ZBTB7C: variants seen among roughly 807,000 people sequenced by gnomAD.
The protein encoded by ZBTB7C is zinc finger and BTB domain-containing protein 7C.
ZBTB7C carries 8 observed loss-of-function variants against 25.7 expected under a neutral mutation model. That is an observed-to-expected ratio of 0.31 (90% confidence interval 0.18 to 0.56). ZBTB7C has a LOEUF of 0.56. Among genes scored for constraint, ZBTB7C ranks in the 20% least tolerant of loss-of-function variants. The pLI is 0.91. For synonymous variants in ZBTB7C, 394 were observed against 369.0 expected (o/e 1.07, Z -0.78); for missense variants, 824 against 855.2 (o/e 0.96, Z 0.46).
intron 3 of ZBTB7C, among the ~76,000 whole-genome samples, chr18:48,122,329 T>C (rs1366350240): frequency 6.6e-6 from 1 of 152,234 alleles, no homozygotes; most frequent in Non-Finnish European, 1.5e-5. Flanking sequence ...ACCATTTTCC[T>C]ACCTTTGGCT....
At chr18:48,209,421 G>A (rs185170485) in intron 2 of ZBTB7C, among the ~76,000 whole-genome samples, 3 of 152,176 alleles carry the variant, frequency 2.0e-5, no homozygotes, top group African/African-American at 7.2e-5. Context: ...GTGCTAGGAA[G>A]ACACAAAGTT....
At chr18:48,313,252 TG>T (rs1439640065) in intron 2 of ZBTB7C, among the ~76,000 whole-genome samples, 2 of 152,140 alleles carry the variant, frequency 1.3e-5, no homozygotes, top group African/African-American at 4.8e-5. Context: ...TCATAGGAAA[TG>T]GAAACCCTAG....
At chr18:48,392,967 T>G (rs540536010) in intron 1 of ZBTB7C, among the ~76,000 whole-genome samples, 1 of 152,132 alleles carries the variant, frequency 6.6e-6, no homozygotes, top group Non-Finnish European at 1.5e-5. Context: ...CCAGGGACAG[T>G]ATTTGGTTGT....
At chr18:48,358,411 C>A (rs1007114250) in intron 1 of ZBTB7C, among the ~76,000 whole-genome samples, 1 of 152,170 alleles carries the variant, frequency 6.6e-6, no homozygotes, top group Non-Finnish European at 1.5e-5. Context: ...CCCACTCTCA[C>A]CCTGTGACAC....
chr18:48,046,110 C>G (rs2036459340), intron 3 of ZBTB7C, among the ~76,000 whole-genome samples: 1 of 152,238 alleles, frequency 6.6e-6, no homozygotes. Context: ...TCCTAAATTC[C>G]TGATCCACAG....
intron 3 of ZBTB7C, among the ~76,000 whole-genome samples, chr18:48,140,879 C>T (rs1351686854): frequency 2.0e-5 from 3 of 152,154 alleles, no homozygotes; most frequent in Non-Finnish European, 4.4e-5. Flanking sequence ...GCCACCTCTG[C>T]CACTGCTGCC....
At chr18:48,233,475 A>T (rs1427609457) in intron 2 of ZBTB7C, among the ~76,000 whole-genome samples, 1 of 152,266 alleles carries the variant, frequency 6.6e-6, no homozygotes, top group Non-Finnish European at 1.5e-5. Flanking sequence ...TACAAAGAGC[A>T]TACATAACAG....
At chr18:48,320,532 G>A (rs1417093371) in intron 2 of ZBTB7C, among the ~76,000 whole-genome samples, 1 of 152,206 alleles carries the variant, frequency 6.6e-6, no homozygotes, top group Non-Finnish European at 1.5e-5. Flanking sequence ...GCCAGCACCT[G>A]AGAGATGACA....
chr18:48,159,361 G>A (rs548456798), intron 3 of ZBTB7C, among the ~76,000 whole-genome samples: 5 of 152,202 alleles, frequency 3.3e-5, no homozygotes, highest in African/African-American at 1.2e-4. Flanking sequence ...GATCTTACGA[G>A]GATTCAATAA....
At chr18:48,345,903 A>C (rs896501836) in intron 1 of ZBTB7C, among the ~76,000 whole-genome samples, 8 of 152,212 alleles carry the variant, frequency 5.3e-5, no homozygotes, top group African/African-American at 1.9e-4. Flanking sequence ...AAAAATGTTA[A>C]AATGGGTTTA....
chr18:48,258,574 T>C (rs1483051969), intron 2 of ZBTB7C, among the ~76,000 whole-genome samples: 2 of 152,194 alleles, frequency 1.3e-5, no homozygotes, highest in Non-Finnish European at 2.9e-5. Flanking sequence ...AAATACACCA[T>C]GTTCATAGGT....
At chr18:48,063,919 TAA>T (rs2037221573) in intron 3 of ZBTB7C, among the ~76,000 whole-genome samples, 1 of 151,774 alleles carries the variant, frequency 6.6e-6, no homozygotes, top group African/African-American at 2.4e-5. Flanking sequence ...AATTGATAAT[TAA>T]ATACTTATTA....
At chr18:48,082,412 C>G (rs1166510722) in intron 3 of ZBTB7C, among the ~76,000 whole-genome samples, 1 of 152,136 alleles carries the variant, frequency 6.6e-6, no homozygotes, top group Non-Finnish European at 1.5e-5. Flanking sequence ...TGTTCCTTAT[C>G]TGCAGGAACC....
chr18:48,056,867 T>A (rs9951809), intron 3 of ZBTB7C, among the ~76,000 whole-genome samples: 86,084 of 151,746 alleles, frequency 0.57, 25,713 homozygotes, highest in African/African-American at 0.75. Context: ...AAAAGATTTG[T>A]TAAATTTGAC....
rs1302249997 is a variant in ZBTB7C at position 48,069,693 on chromosome 18, T to C, written c.-16-28570A>G. Among the ~76,000 whole-genome samples, 8 of 152,158 alleles carry C rather than the reference T, an allele frequency of 5.3e-5. No homozygotes were observed. In the South Asian group the frequency reaches 1.7e-3, roughly 32 times the overall value. ...TATATCTACATAATCTTAGACCCTG[T>C]TCCTTCCAATTCCAGGGATATGCTC... On this transcript the variant is annotated intron_variant, in intron 3 of 4. Coordinates refer to ENST00000590800, the MANE Select transcript of ZBTB7C (RefSeq NM_001318841.2).
chr18:48,361,085 G>A (rs1304339033), intron 1 of ZBTB7C, among the ~76,000 whole-genome samples: 1 of 152,094 alleles, frequency 6.6e-6, no homozygotes, highest in Admixed American at 6.5e-5. Context: ...GGATGGCCAA[G>A]GTCTGCAATG....
At chr18:48,355,699 C>T (rs2046962955) in intron 1 of ZBTB7C, among the ~76,000 whole-genome samples, 1 of 152,228 alleles carries the variant, frequency 6.6e-6, no homozygotes, top group African/African-American at 2.4e-5. Flanking sequence ...AATCCATGTG[C>T]TGCCTCATCC....
chr18:48,228,426 T>C (rs1441980745), intron 2 of ZBTB7C, among the ~76,000 whole-genome samples: 1 of 152,148 alleles, frequency 6.6e-6, no homozygotes, highest in Non-Finnish European at 1.5e-5. Context: ...GTCCTTGCTA[T>C]GAGAGAAGGT....
intron 1 of ZBTB7C, among the ~76,000 whole-genome samples, chr18:48,373,973 A>AAGC (rs1555753996): frequency 6.7e-6 from 1 of 149,526 alleles, no homozygotes. Flanking sequence ...AAAAAAAAAA[A>AAGC]GCATGTGGCA....
Sources: allele counts gnomAD v4.1 joint callset (sites outside exome capture counted in the v4.1 genomes callset), GRCh38; gene constraint gnomAD v4.1.1; transcripts MANE v1.5; gene names NCBI Gene and HGNC (gene_info 2026-07-23, HGNC 2026-07-21).